RAC2: variants seen among roughly 807,000 people sequenced by gnomAD.
The protein encoded by RAC2 is ras-related C3 botulinum toxin substrate 2.
RAC2 carries 1 observed loss-of-function variant against 24.0 expected under a neutral mutation model. The observed-to-expected ratio is 0.04, with a 90% confidence interval of 0.01 to 0.20. The LOEUF (loss-of-function observed/expected upper bound fraction) is 0.20. Among genes scored for constraint, RAC2 ranks in the 10% least tolerant of loss-of-function variants. The pLI, the probability that RAC2 is intolerant of heterozygous loss-of-function variation, is 1.00. For synonymous variants in RAC2, 114 were observed against 106.8 expected (o/e 1.07, Z -0.41); for missense variants, 130 against 259.1 (o/e 0.50, Z 3.42).
chr22:37,240,462 CAT>C lies in RAC2; in HGVS notation c.107+1123_107+1124del, dbSNP rs1175106458. 5.9e-5 allele frequency among the ~76,000 whole-genome samples: 9 copies of C among 152,364 alleles called. No homozygotes were observed. In the East Asian group the frequency reaches 1.3e-3, roughly 23 times the overall value. On this transcript the variant is annotated intron_variant, in intron 2 of 6. Transcript: ENST00000249071. Reference sequence around the variant, plus strand: ...CCCAGGGGGATCAAATGAGATCACACATGTGTGACATCTTGCGCAGGGGCCAG... The same window carrying C: ...CCCAGGGGGATCAAATGAGATCACACGTGTGACATCTTGCGCAGGGGCCAG...
chr22:37,244,086 C>T (rs757037858), intron 1 of RAC2, 28 bp downstream of exon 1: 2 of 1,614,088 alleles, frequency 1.2e-6, no homozygotes, highest in South Asian at 1.1e-5. Flanking sequence ...CAGTTGGGGG[C>T]TGTGAGGAAG....
Position 37,232,450 on chromosome 22 carries a change from TCCTCCACCTCTCC to T in RAC2, c.225+338_225+350del, listed in dbSNP as rs1713131014. 32 of 436,346 alleles carry T rather than the reference TCCTCCACCTCTCC, an allele frequency of 7.3e-5. 1 individual carries two copies. The highest frequency in any genetic ancestry group is 6.9e-4 in the South Asian group (32 of 46,690). The allele number at this position is 436,346 out of a possible 1,614,324, so 27.0% of individuals were successfully genotyped here. On this transcript the variant is annotated intron_variant, in intron 3 of 6. Transcript: ENST00000249071. ...AGGACCCAGCAGCCACCTGCAGGCA[TCCTCCACCTCTCC>T]CCTCCCCCAGCACTCCCAGGGCTCA...
At chr22:37,233,503 G>A (rs1927137417) in intron 2 of RAC2, among the ~76,000 whole-genome samples, 1 of 152,082 alleles carries the variant, frequency 6.6e-6, no homozygotes, top group South Asian at 2.1e-4. Context: ...GGCTGGTCTC[G>A]AACCCCTGAA....
intron 2 of RAC2, among the ~76,000 whole-genome samples, chr22:37,233,805 C>T (rs1237121239): frequency 1.3e-5 from 2 of 152,194 alleles, no homozygotes; most frequent in African/African-American, 2.4e-5. Flanking sequence ...CTGCTGGGGC[C>T]ACCTGGGAGA....
In RAC2 at chr22:37,227,847, A is replaced by G. The variant is rs554535499; in HGVS notation, c.449-1044T>C. On this transcript the variant is annotated intron_variant, in intron 5 of 6. Coordinates refer to ENST00000249071, the MANE Select transcript of RAC2 (RefSeq NM_002872.5). ...CTCATGTCTGTAATAGCGAGCGTGA[A>G]CTCAGTGAGAGACTAAGGCCTCCAG... Among the ~76,000 whole-genome samples, 4 of 152,138 alleles carry G rather than the reference A, an allele frequency of 2.6e-5. No homozygotes were observed. The South Asian group carries it at 8.3e-4, about 32-fold the overall frequency.
At position 37,232,930 on chromosome 22, in the gene RAC2, A is replaced by C. The variant is rs1601672734; in HGVS notation, c.108-12T>G. The C allele has an allele frequency of 1.9e-6, 3 of 1,600,974 alleles. No individual in the cohort carries two copies. The highest frequency in any genetic ancestry group is 2.6e-6 in the Non-Finnish European group (3 of 1,168,352). On this transcript the variant is annotated splice_polypyrimidine_tract_variant and intron_variant, in intron 2 of 6. Transcript: ENST00000249071. ...AATAGTTGTCAAACCTGTGGGGAGC[A>C]GGCAAGGCGGAGGTAAGGTCAATCT...
chr22:37,230,014 G>A (rs1338759276), intron 5 of RAC2, among the ~76,000 whole-genome samples: 1 of 152,210 alleles, frequency 6.6e-6, no homozygotes, highest in Non-Finnish European at 1.5e-5. Flanking sequence ...GCAGGGGTTG[G>A]AGGGGTGCTG....
intron 5 of RAC2, among the ~76,000 whole-genome samples, chr22:37,229,215 T>G (rs1347912104): frequency 6.6e-6 from 1 of 152,004 alleles, no homozygotes; most frequent in Non-Finnish European, 1.5e-5. Flanking sequence ...CAGTCTCCCA[T>G]CTGTCTAGGA....
At chr22:37,228,330 G>A (rs1440963043) in intron 5 of RAC2, among the ~76,000 whole-genome samples, 1 of 151,172 alleles carries the variant, frequency 6.6e-6, no homozygotes, top group Non-Finnish European at 1.5e-5. Flanking sequence ...GGGCACAGAT[G>A]AGGAGAAAGG....
At chr22:37,228,990 CCT>C (rs1238087145) in intron 5 of RAC2, among the ~76,000 whole-genome samples, 1 of 152,192 alleles carries the variant, frequency 6.6e-6, no homozygotes, top group Non-Finnish European at 1.5e-5. Context: ...ACCACAGCCC[CCT>C]GTGTTGAGGA....
intron 2 of RAC2, among the ~76,000 whole-genome samples, chr22:37,240,259 T>C (rs1927347458): frequency 6.6e-6 from 1 of 152,338 alleles, no homozygotes; most frequent in South Asian, 2.1e-4. Flanking sequence ...TAGGAGAGCC[T>C]GATCCCTGCC....
intron 3 of RAC2, 59 bp from the exon 4 acceptor site, chr22:37,232,053 C>T: frequency 6.5e-7 from 1 of 1,526,890 alleles, no homozygotes; most frequent in African/African-American, 1.4e-5. Context: ...CCCACCATGG[C>T]AGCCACCGAG....
At chr22:37,232,293 TAA>T (rs1277197596) in intron 3 of RAC2, 8 of 511,850 alleles carry the variant, frequency 1.6e-5, no homozygotes, top group Admixed American at 6.5e-5. Flanking sequence ...TTCCAGAGGT[TAA>T]AGAGTTTGCC....
chr22:37,241,541 G>A lies in RAC2; in HGVS notation c.107+46C>T, dbSNP rs142496628. 4,418 of 1,568,508 alleles carry A rather than the reference G, an allele frequency of 2.8e-3. 9 individuals carry two copies. Among genetic ancestry groups the A allele is most frequent in the Non-Finnish European group, 3.3e-3 (3,740 of 1,138,950 alleles). On this transcript the variant is annotated intron_variant, in intron 2 of 6. Coordinates refer to ENST00000249071, the MANE Select transcript of RAC2 (RefSeq NM_002872.5). ...CTGAAAGGGGGGTCGACTTGGTGAC[G>A]GTCTCTCCCCTCCTCCCACCACCCC...
In RAC2 at chr22:37,244,083, G is replaced by A. The variant is rs751478410; in HGVS notation, c.35+31C>T. 2.5e-6 allele frequency: 4 copies of A among 1,613,694 alleles called. No homozygotes were observed. The African/African-American group carries it at 5.3e-5, about 22-fold the overall frequency. On this transcript the variant is annotated intron_variant, in intron 1 of 6. Transcript: ENST00000249071. ...AAGGATCTCAGGGCATCCCAGTTGG[G>A]GGCTGTGAGGAAGTCCAGCCAGGTA...
intron 3 of RAC2, 80 bp from the exon 4 acceptor site, chr22:37,232,074 TG>T (rs1927083118): frequency 7.0e-7 from 1 of 1,421,684 alleles, no homozygotes; most frequent in African/African-American, 1.4e-5. Context: ...AGGTGGAGCT[TG>T]GGGCTCCCTG....
chr22:37,226,473 G>T (rs1412800575), intron 6 of RAC2, among the ~76,000 whole-genome samples, 198 bp downstream of exon 6: 1 of 152,090 alleles, frequency 6.6e-6, no homozygotes, highest in African/African-American at 2.4e-5. Flanking sequence ...CATACCTTGG[G>T]CCTTGCCTCT....
Position 37,244,172 on chromosome 22 carries a change from C to T in RAC2, c.-24G>A, listed in dbSNP as rs373879011. 2.5e-6 allele frequency: 4 copies of T among 1,613,332 alleles called. No individual in the cohort carries two copies. The highest frequency in any genetic ancestry group is 1.6e-4 in the Middle Eastern group (1 of 6,084). On this transcript the variant is annotated 5_prime_UTR_variant, in exon 1 of 7. Coordinates refer to ENST00000249071, the MANE Select transcript of RAC2 (RefSeq NM_002872.5). ...ATCGTGTCCGGAGCCTGGAGAGTGT[C>T]GGTGGTGACAGCTCAGGGCCAGGCG...
At chr22:37,226,106 G>A (rs557870230) in intron 6 of RAC2, 67 bp from the exon 7 acceptor site, 1 of 159,480 alleles carries the variant, frequency 6.3e-6, no homozygotes, top group African/African-American at 2.4e-5. Flanking sequence ...TCGCCTTCCT[G>A]GCTCACAGCT....
Sources: allele counts gnomAD v4.1 joint callset (sites outside exome capture counted in the v4.1 genomes callset), GRCh38; gene constraint gnomAD v4.1.1; transcripts MANE v1.5; gene names NCBI Gene and HGNC (gene_info 2026-07-23, HGNC 2026-07-21).